The following BBS9 variants were observed in gnomAD, a reference collection of about 807,000 sequenced individuals.
BBS9 encodes the protein protein PTHB1.
BBS9 carries 89 observed loss-of-function variants against 117.7 expected under a neutral mutation model. The ratio of observed to expected loss-of-function variants is 0.76; its 90% CI spans 0.64 to 0.90. The LOEUF (loss-of-function observed/expected upper bound fraction) is 0.90. Ranked by LOEUF, BBS9 falls within the 40% of genes least tolerant of loss-of-function variation. The pLI is 0.00. For synonymous variants in BBS9, 379 were observed against 370.9 expected (o/e 1.02, Z -0.25); for missense variants, 982 against 1,042.2 (o/e 0.94, Z 0.80).
chr7:33,490,158 A>G (rs1384294124), intron 19 of BBS9, among the ~76,000 whole-genome samples: 1 of 152,116 alleles, frequency 6.6e-6, no homozygotes, highest in Non-Finnish European at 1.5e-5. Flanking sequence ...CATATAGTCT[A>G]TTTTAGCTAC....
At chr7:33,445,773 A>T (rs1251409804) in intron 19 of BBS9, among the ~76,000 whole-genome samples, 1 of 152,078 alleles carries the variant, frequency 6.6e-6, no homozygotes, top group African/African-American at 2.4e-5. Flanking sequence ...TGTTCTCGTG[A>T]TAGTAAGTTC....
chr7:33,553,252 C>T (rs1423959236), intron 21 of BBS9, among the ~76,000 whole-genome samples: 1 of 152,148 alleles, frequency 6.6e-6, no homozygotes. Context: ...TCATTGTGGG[C>T]TATTTAATAT....
At chr7:33,394,154 T>A (rs1040029282) in intron 19 of BBS9, among the ~76,000 whole-genome samples, 8 of 152,152 alleles carry the variant, frequency 5.3e-5, no homozygotes, top group African/African-American at 1.9e-4. Context: ...GGATTTGGCC[T>A]CTAGTGAATA....
chr7:33,212,126 G>A (rs1788141304), intron 5 of BBS9, among the ~76,000 whole-genome samples: 1 of 152,110 alleles, frequency 6.6e-6, no homozygotes, highest in South Asian at 2.1e-4. Context: ...TCTAGGTTTG[G>A]GAAGTTCTCT....
At chr7:33,192,989 A>T (rs995715455) in intron 5 of BBS9, among the ~76,000 whole-genome samples, 1 of 152,172 alleles carries the variant, frequency 6.6e-6, no homozygotes, top group Non-Finnish European at 1.5e-5. Context: ...GGAATTTTGG[A>T]TGACGTTCAG....
chr7:33,349,976 G>T (rs1023042890), intron 13 of BBS9, among the ~76,000 whole-genome samples: 2 of 152,034 alleles, frequency 1.3e-5, no homozygotes. Flanking sequence ...GTTGTTTTGA[G>T]GATTTGATTA....
chr7:33,298,156 T>A (rs763072616), intron 9 of BBS9, among the ~76,000 whole-genome samples: 74 of 152,130 alleles, frequency 4.9e-4, no homozygotes, highest in Admixed American at 1.2e-3. Flanking sequence ...AATTTTTTTT[T>A]ATTTGCCAGG....
intron 5 of BBS9, among the ~76,000 whole-genome samples, chr7:33,190,690 A>G (rs1783982389): frequency 6.6e-6 from 1 of 152,206 alleles, no homozygotes; most frequent in African/African-American, 2.4e-5. Context: ...CATGTAAAAG[A>G]GGTTCTTCCT....
chr7:33,444,752 G>T (rs1275262702), intron 19 of BBS9, among the ~76,000 whole-genome samples: 9 of 152,202 alleles, frequency 5.9e-5, no homozygotes, highest in African/African-American at 2.2e-4. Flanking sequence ...TCAACTAACT[G>T]CTTTTTATTC....
At chr7:33,320,807 G>A (rs1056300228) in intron 9 of BBS9, among the ~76,000 whole-genome samples, 4 of 151,714 alleles carry the variant, frequency 2.6e-5, no homozygotes, top group Non-Finnish European at 4.4e-5. Flanking sequence ...ATTATATCTC[G>A]TTGTAGTCCT....
intron 9 of BBS9, among the ~76,000 whole-genome samples, chr7:33,280,823 T>G (rs1562930722): frequency 6.6e-6 from 1 of 151,742 alleles, no homozygotes; most frequent in Non-Finnish European, 1.5e-5. Flanking sequence ...GATTTTTTCT[T>G]GAAACCGAAT....
chr7:33,445,553 T>G (rs1265968667), intron 19 of BBS9, among the ~76,000 whole-genome samples: 1 of 152,208 alleles, frequency 6.6e-6, no homozygotes, highest in Non-Finnish European at 1.5e-5. Flanking sequence ...ATAAAAAGTT[T>G]GTGTTGTCCT....
Position 33,534,100 on chromosome 7 carries a change from C to G in BBS9, c.2445C>G (p.Leu815=), listed in dbSNP as rs758338410. ...AACTGAAGAAACATATCACCTTGCT[C>G]TGCGATAGATTATCCAAAGGTGGCC... is the stretch of plus-strand genomic sequence containing the variant. The part of the protein sequence containing the change: ...TSQLKKHITL[L]CDRLSKGGRL... Residue 815 remains leucine (L), a synonymous_variant, in exon 21 of 23, where the codon CTC becomes CTG. Transcript: ENST00000242067. 11 of 1,614,200 alleles carry G rather than the reference C, an allele frequency of 6.8e-6. No homozygotes were observed. The Admixed American group carries it at 1.0e-4, about 15-fold the overall frequency.
chr7:33,594,345 G>A (rs1344817266), intron 21 of BBS9, among the ~76,000 whole-genome samples: 2 of 151,996 alleles, frequency 1.3e-5, no homozygotes, highest in South Asian at 2.1e-4. Flanking sequence ...TACATTTCGC[G>A]GGGCATCCTA....
chr7:33,177,623 T>C, intron 5 of BBS9, 32 bp downstream of exon 5: 1 of 1,381,800 alleles, frequency 7.2e-7, no homozygotes, highest in Non-Finnish European at 1.0e-6. Context: ...GTATGCTATT[T>C]CAAGTGACAG....
intron 18 of BBS9, among the ~76,000 whole-genome samples, chr7:33,386,730 G>A (rs935802366): frequency 2.0e-5 from 3 of 151,812 alleles, no homozygotes; most frequent in Non-Finnish European, 2.9e-5. Flanking sequence ...TCCTGACCTC[G>A]TGATCCGCCC....
Position 33,406,605 on chromosome 7 carries a change from C to G in BBS9, c.2115+18461C>G, listed in dbSNP as rs149591760. Among the ~76,000 whole-genome samples, 2,841 of 152,072 alleles carry G rather than the reference C, an allele frequency of 0.019. 104 individuals are homozygous for G. In the East Asian group the frequency reaches 0.24, roughly 13 times the overall value. On this transcript the variant is annotated intron_variant, in intron 19 of 22. Coordinates refer to ENST00000242067, the MANE Select transcript of BBS9 (RefSeq NM_198428.3). ...GCCTTTCCATGTTTAGTGCTTCCTT[C>G]AGGAGCTCTTTTAGGGCAGGCCTGG... is the stretch of plus-strand genomic sequence containing the variant.
intron 5 of BBS9, 67 bp from the exon 6 acceptor site, chr7:33,257,169 G>A: frequency 9.0e-7 from 1 of 1,116,686 alleles, no homozygotes; most frequent in Non-Finnish European, 1.3e-6. Context: ...GTTGTAGATA[G>A]TGATTAATAA....
intron 5 of BBS9, among the ~76,000 whole-genome samples, chr7:33,230,419 T>A (rs185233387): frequency 1.4e-4 from 21 of 152,266 alleles, no homozygotes; most frequent in South Asian, 8.3e-4. Flanking sequence ...TTACATTTTT[T>A]AAAAAAAATT....
Sources: gnomAD v4.1 joint callset for allele counts (sites outside exome capture counted in the v4.1 genomes callset) on GRCh38, gnomAD v4.1.1 for gene constraint, MANE v1.5 for transcripts, NCBI Gene and HGNC (gene_info 2026-07-23, HGNC 2026-07-21) for gene names.